NPBWR2: variants seen among roughly 807,000 people sequenced by gnomAD.
NPBWR2 encodes neuropeptides B/W receptor type 2.
For missense variants in NPBWR2, 390 were observed against 458.2 expected, an observed-to-expected ratio of 0.85 and a Z score of 1.36; for synonymous variants, 207 against 223.5, an observed-to-expected ratio of 0.93 and a Z score of 0.66.
Position 64,105,652 on chromosome 20 carries a change from T to TG in NPBWR2, c.*177dup, listed in dbSNP as rs1312084797. 1.6e-4 allele frequency among the ~76,000 whole-genome samples: 6 copies of TG among 37,802 alleles called. No individual in the cohort carries two copies. Among genetic ancestry groups the TG allele is most frequent in the Non-Finnish European group, 2.5e-4 (5 of 20,340 alleles). 24.8% of individuals were successfully genotyped at this position (37,802 alleles called of 152,430 possible). ...GGGGTGGGCGTGATGGTGGATGTGA[T>TG]GGGGGTGGGCATGATGATGGGCGTG... On this transcript the variant is annotated 3_prime_UTR_variant, in exon 2 of 2. Transcript: ENST00000684052.
rs1979874353 is a variant in NPBWR2 at position 64,104,377 on chromosome 20, T to C, written c.*1453A>G. Among the ~76,000 whole-genome samples, 1 of 152,168 alleles carries C rather than the reference T, an allele frequency of 6.6e-6. No homozygotes were observed. The highest frequency in any genetic ancestry group is 2.1e-4 in the South Asian group (1 of 4,838). ...GTGATGGATGGTCCCTAGGCTGTGGTGGCCCAGAGGTCCTGGCAAAAGGGC... is the reference window on the plus strand; with the variant it reads ...GTGATGGATGGTCCCTAGGCTGTGGCGGCCCAGAGGTCCTGGCAAAAGGGC... On this transcript the variant is annotated 3_prime_UTR_variant, in exon 2 of 2. Transcript: ENST00000684052.
chr20:64,105,838 G>A lies in NPBWR2; in HGVS notation c.994C>T (p.Arg332Trp), dbSNP rs141392855. 76 of 1,553,072 alleles carry A rather than the reference G, an allele frequency of 4.9e-5. No individual in the cohort carries two copies. Among genetic ancestry groups the A allele is most frequent in the African/African-American group, 3.9e-4 (28 of 71,564 alleles). The change falls in exon 2 of 2, where the codon CGG becomes TGG. Residue 332 changes from arginine (R) to tryptophan (W), a missense_variant. Transcript: ENST00000684052. Reference protein sequence around the residue: ...NFRKNFRSILRC With the variant: ...NFRKNFRSILWC ...GATGGTGCCCAGGCCCTTCAGCACCGCAATATGCTGCGGAAGTTCTTCCGG... is the reference window on the plus strand; with the variant it reads ...GATGGTGCCCAGGCCCTTCAGCACCACAATATGCTGCGGAAGTTCTTCCGG...
Position 64,105,621 on chromosome 20 carries a change from G to GGCGTGA in NPBWR2, c.*208_*209insTCACGC, listed in dbSNP as rs1979961059. Among the ~76,000 whole-genome samples the GGCGTGA allele has an allele frequency of 2.2e-4, 4 of 18,324 alleles. No homozygotes were observed. The highest frequency in any genetic ancestry group is 3.2e-4 in the Non-Finnish European group (3 of 9,502). 12.0% of individuals were successfully genotyped at this position (18,324 alleles called of 152,430 possible). ...GGTGGGCGTGATGGTGGGGGTGGGG[G>GGCGTGA]TGATGGGGGTGGGCGTGATGGTGGA... On this transcript the variant is annotated 3_prime_UTR_variant, in exon 2 of 2. Coordinates refer to ENST00000684052, the MANE Select transcript of NPBWR2 (RefSeq NM_005286.4).
chr20:64,105,144 T>A lies in NPBWR2; in HGVS notation c.*686A>T, dbSNP rs1300076273. Among the ~76,000 whole-genome samples the A allele has an allele frequency of 1.3e-5, 2 of 151,986 alleles. No individual in the cohort carries two copies. The highest frequency in any genetic ancestry group is 2.9e-5 in the Non-Finnish European group (2 of 67,964). On this transcript the variant is annotated 3_prime_UTR_variant, in exon 2 of 2. Coordinates refer to ENST00000684052, the MANE Select transcript of NPBWR2 (RefSeq NM_005286.4). ...CCGCACTTACCACCCCCCGGCCCCA[T>A]CTTGGGGAGAGACTATGTAACGTGG...
At position 64,106,201 on chromosome 20, in the gene NPBWR2, C is replaced by A; in HGVS notation, c.631G>T (p.Ala211Ser). Residue 211 changes from alanine (A) to serine (S), a missense_variant, in exon 2 of 2, where the codon GCC becomes TCC. Ala to Ser is a moderately conservative substitution (Grantham distance 99). Transcript: ENST00000684052. The surrounding 1 kb of genome is among the most constrained non-coding windows in gnomAD (Gnocchi z 9.5). ...FPWPEQVWFKASRVYTLVLGF... is the reference protein window; with the variant it reads ...FPWPEQVWFKSSRVYTLVLGF... ...AGGACCAACGTGTAGACACGGCTGG[C>A]CTTGAACCAGACCTGCTCGGGCCAC... The A allele has an allele frequency of 1.2e-6, 2 of 1,612,690 alleles. No homozygotes were observed. The highest frequency in any genetic ancestry group is 1.7e-6 in the Non-Finnish European group (2 of 1,179,926).
In NPBWR2 at chr20:64,104,662, A is replaced by G. The variant is rs1453849602; in HGVS notation, c.*1168T>C. 0.02 allele frequency among the ~76,000 whole-genome samples: 1,268 copies of G among 64,842 alleles called. 11 individuals are homozygous for G. The highest frequency in any genetic ancestry group is 0.031 in the South Asian group (55 of 1,762). 42.5% of individuals were successfully genotyped at this position (64,842 alleles called of 152,430 possible). A position where few individuals can be genotyped will look rare whatever the true frequency, so the allele number is the denominator to read the frequency against. On this transcript the variant is annotated 3_prime_UTR_variant, in exon 2 of 2. Transcript: ENST00000684052. ...AGCACAGGCCATGGAGAGGACCGTCAGACACAGCAGGGGGGTACAGGGGAG... is the reference window on the plus strand; with the variant it reads ...AGCACAGGCCATGGAGAGGACCGTCGGACACAGCAGGGGGGTACAGGGGAG...
chr20:64,106,466 G>C lies in NPBWR2; in HGVS notation c.366C>G (p.Ala122=). The stretch of plus-strand genomic sequence containing the variant: ...TGGAGAAGATGTTGTAGTGGTCGAC[G>C]GCCAGCACCAGCTTGCAGAGCAGCT... ...FGELLCKLVL[A]VDHYNIFSSI... The change falls in exon 2 of 2, where the codon GCC becomes GCG. Residue 122 remains alanine, a synonymous_variant. Coordinates refer to ENST00000684052, the MANE Select transcript of NPBWR2 (RefSeq NM_005286.4). This position sits in a 1 kb window ranked among gnomAD's most constrained non-coding sequence, Gnocchi z 9.5. 6.2e-7 allele frequency: 1 copy of C among 1,612,746 alleles called. No homozygotes were observed. Among genetic ancestry groups the C allele is most frequent in the South Asian group, 1.1e-5 (1 of 91,086 alleles).
Position 64,105,456 on chromosome 20 carries a change from A to G in NPBWR2, c.*374T>C, listed in dbSNP as rs986112345. On this transcript the variant is annotated 3_prime_UTR_variant, in exon 2 of 2. Coordinates refer to ENST00000684052, the MANE Select transcript of NPBWR2 (RefSeq NM_005286.4). The stretch of plus-strand genomic sequence containing the variant: ...TGTCTCCTTGCGTGGAGAGGACAGC[A>G]CTGGGATGTGAACAGGCCGGGCGTC... 2.3e-4 allele frequency among the ~76,000 whole-genome samples: 28 copies of G among 121,178 alleles called. No individual in the cohort carries two copies. Among genetic ancestry groups the G allele is most frequent in the Non-Finnish European group, 6.8e-5 (4 of 58,852 alleles). The allele number at this position is 121,178 out of a possible 152,430, so 79.5% of individuals were successfully genotyped here.
chr20:64,105,862 G>T lies in NPBWR2; in HGVS notation c.970C>A (p.Arg324=). Residue 324 remains arginine, a synonymous_variant, in exon 2 of 2, where the codon CGG becomes AGG. Coordinates refer to ENST00000684052, the MANE Select transcript of NPBWR2 (RefSeq NM_005286.4). ...FLYAFLDDNF[R]KNFRSILRC is the part of the protein sequence containing the mutation. ...CGCAATATGCTGCGGAAGTTCTTCC[G>T]GAAGTTGTCATCTAGAAAGGCGTAG... 1 of 1,514,622 alleles carries T rather than the reference G, an allele frequency of 6.6e-7. No homozygotes were observed. Among genetic ancestry groups the T allele is most frequent in the Non-Finnish European group, 9.0e-7 (1 of 1,116,790 alleles). The allele number at this position is 1,514,622 out of a possible 1,614,324, so 93.8% of individuals were successfully genotyped here.
rs563430820 is a variant in NPBWR2 at position 64,105,717 on chromosome 20, G to T, written c.*113C>A. The T allele has an allele frequency of 2.3e-5, 5 of 218,644 alleles. No homozygotes were observed. In the African/African-American group the frequency reaches 4.0e-4, roughly 17 times the overall value. The allele number at this position is 218,644 out of a possible 1,614,324, so 13.5% of individuals were successfully genotyped here. On this transcript the variant is annotated 3_prime_UTR_variant, in exon 2 of 2. Coordinates refer to ENST00000684052, the MANE Select transcript of NPBWR2 (RefSeq NM_005286.4). ...GGTGGGGGTGATGGTGGGGGTGGTGGTGGGGGTGGGGGGGGGTGGGCCTGA... is the reference window on the plus strand; with the variant it reads ...GGTGGGGGTGATGGTGGGGGTGGTGTTGGGGGTGGGGGGGGGTGGGCCTGA...
At position 64,105,316 on chromosome 20, in the gene NPBWR2, T is replaced by A. The variant is rs1979927454; in HGVS notation, c.*514A>T. Among the ~76,000 whole-genome samples, 1 of 150,680 alleles carries A rather than the reference T, an allele frequency of 6.6e-6. No individual in the cohort carries two copies. On this transcript the variant is annotated 3_prime_UTR_variant, in exon 2 of 2. Coordinates refer to ENST00000684052, the MANE Select transcript of NPBWR2 (RefSeq NM_005286.4). The stretch of plus-strand genomic sequence containing the variant: ...GGGATGCTTGCTGTGTGGGGGCCTC[T>A]GCCAGGACCTGGATCCCTGCTGCTG...
rs1403017978 is a variant in NPBWR2 at position 64,106,148 on chromosome 20, G to A, written c.684C>T (p.Ile228=). ...VLGFVLPVCT[I]CVLYTDLLRR... ...GCAGGAGGTCTGTGTAGAGCACACAGATGGTGCACACGGGCAGCACGAAGC... is the reference window on the plus strand; with the variant it reads ...GCAGGAGGTCTGTGTAGAGCACACAAATGGTGCACACGGGCAGCACGAAGC... Residue 228 remains isoleucine, a synonymous_variant, in exon 2 of 2, where the codon ATC becomes ATT. Transcript: ENST00000684052. The surrounding 1 kb of genome is among the most constrained non-coding windows in gnomAD (Gnocchi z 9.5). 3 of 1,612,494 alleles carry A rather than the reference G, an allele frequency of 1.9e-6. No individual in the cohort carries two copies. The highest frequency in any genetic ancestry group is 1.3e-5 in the African/African-American group (1 of 75,052).
At position 64,106,631 on chromosome 20, in the gene NPBWR2, G is replaced by T. The variant is rs1411908504; in HGVS notation, c.201C>A (p.Ile67=). The change falls in exon 2 of 2, where the codon ATC becomes ATA. Residue 67 remains isoleucine, a synonymous_variant. Coordinates refer to ENST00000684052, the MANE Select transcript of NPBWR2 (RefSeq NM_005286.4). The surrounding 1 kb of genome is among the most constrained non-coding windows in gnomAD (Gnocchi z 9.5). ...AVGLTGNTAV[I]LVILRAPKMK... ...TCTTGGGCGCCCTTAGGATTACAAG[G>T]ATGACGGCCGTGTTGCCAGTCAGCC... 1 of 1,612,316 alleles carries T rather than the reference G, an allele frequency of 6.2e-7. No individual in the cohort carries two copies. Among genetic ancestry groups the T allele is most frequent in the Non-Finnish European group, 8.5e-7 (1 of 1,180,010 alleles).
Position 64,105,754 on chromosome 20 carries a change from GCATGATGATGAT to G in NPBWR2, c.*64_*75del, listed in dbSNP as rs1979993107. ...GGGGGTGGGCCTGATGGGGGTGTGG[GCATGATGATGAT>G]GGGCGTGATGATGATGGGGGGTGAT... On this transcript the variant is annotated 3_prime_UTR_variant, in exon 2 of 2. Transcript: ENST00000684052. 1 of 1,073,182 alleles carries G rather than the reference GCATGATGATGAT, an allele frequency of 9.3e-7. No individual in the cohort carries two copies. Among genetic ancestry groups the G allele is most frequent in the African/African-American group, 2.0e-5 (1 of 50,844 alleles). 66.5% of individuals were successfully genotyped at this position (1,073,182 alleles called of 1,614,324 possible). A position where few individuals can be genotyped will look rare whatever the true frequency, so the allele number is the denominator to read the frequency against.
In NPBWR2 at chr20:64,104,436, C is replaced by T. The variant is rs1414509396; in HGVS notation, c.*1394G>A. ...CTCTAGTAAAGTATGAGAGGAGCAT[C>T]GGCCACAGCAGGGGTGTACAGGCCA... On this transcript the variant is annotated 3_prime_UTR_variant, in exon 2 of 2. Coordinates refer to ENST00000684052, the MANE Select transcript of NPBWR2 (RefSeq NM_005286.4). Among the ~76,000 whole-genome samples the T allele has an allele frequency of 1.3e-5, 2 of 151,956 alleles. No individual in the cohort carries two copies. Among genetic ancestry groups the T allele is most frequent in the African/African-American group, 2.4e-5 (1 of 41,328 alleles).
Position 64,107,317 on chromosome 20 carries a change from G to A in NPBWR2, c.-92+47C>T, listed in dbSNP as rs994128258. Reference sequence around the variant, plus strand: ...TGCACCCTCCCTCACACCCTCCCGAGAGATGCTGCAGACCCTGCTGGTCCA... The same window carrying A: ...TGCACCCTCCCTCACACCCTCCCGAAAGATGCTGCAGACCCTGCTGGTCCA... On this transcript the variant is annotated intron_variant, in intron 1 of 1. Transcript: ENST00000684052. This position sits in a 1 kb window ranked among gnomAD's most constrained non-coding sequence, Gnocchi z 6.3. 1 of 186,820 alleles carries A rather than the reference G, an allele frequency of 5.4e-6. No individual in the cohort carries two copies. Among genetic ancestry groups the A allele is most frequent in the African/African-American group, 2.3e-5 (1 of 42,976 alleles). 11.6% of individuals were successfully genotyped at this position (186,820 alleles called of 1,614,324 possible).
rs202167798 is a variant in NPBWR2, at chr20:64,105,935, G to A, written c.897C>T (p.Tyr299=). 96 of 1,612,874 alleles carry A rather than the reference G, an allele frequency of 6.0e-5. No homozygotes were observed. Among genetic ancestry groups the A allele is most frequent in the East Asian group, 2.9e-4 (13 of 44,880 alleles). ...PQTPLVISMS[Y]VITSLSYANS... The stretch of plus-strand genomic sequence containing the variant: ...TGGCGTAGCTGAGGCTGGTGATGAC[G>A]TAGGACATACTGATGACCAGTGGGG... Residue 299 remains tyrosine (Y), a synonymous_variant, in exon 2 of 2, where the codon TAC becomes TAT. Transcript: ENST00000684052.
rs947948896 is a variant in NPBWR2, at chr20:64,106,769, C to T, written c.63G>A (p.Met21Ile). 6.2e-7 allele frequency: 1 copy of T among 1,612,594 alleles called. No individual in the cohort carries two copies. The highest frequency in any genetic ancestry group is 1.7e-5 in the Admixed American group (1 of 60,000). ...CATTGTCCTGAGAGACGTTGGCACCCATCGTGGGGAGGGAGAAGGAGCCCC... is the reference window on the plus strand; with the variant it reads ...CATTGTCCTGAGAGACGTTGGCACCTATCGTGGGGAGGGAGAAGGAGCCCC... Reference protein sequence around the residue: ...DSRGSFSLPTMGANVSQDNGT... With the variant: ...DSRGSFSLPTIGANVSQDNGT... The change falls in exon 2 of 2, where the codon ATG (methionine) becomes ATA (isoleucine). Residue 21 changes from methionine to isoleucine, a missense_variant. By Grantham distance (10) the Met-to-Ile change is conservative (BLOSUM62 1). Transcript: ENST00000684052. This position sits in a 1 kb window ranked among gnomAD's most constrained non-coding sequence, Gnocchi z 9.5.
At position 64,107,094 on chromosome 20, in the gene NPBWR2, C is replaced by G. The variant is rs1208476395; in HGVS notation, c.-91-172G>C. The G allele has an allele frequency of 3.4e-6, 2 of 587,566 alleles. No homozygotes were observed. The highest frequency in any genetic ancestry group is 3.1e-6 in the Non-Finnish European group (1 of 321,792). The allele number at this position is 587,566 out of a possible 1,614,324, so 36.4% of individuals were successfully genotyped here. On this transcript the variant is annotated intron_variant, in intron 1 of 1. Coordinates refer to ENST00000684052, the MANE Select transcript of NPBWR2 (RefSeq NM_005286.4). This position sits in a 1 kb window ranked among gnomAD's most constrained non-coding sequence, Gnocchi z 6.3. ...CTCCCGCCTCTTCCTGGTGAGACTT[C>G]AGCAGATCAGTTCCCTCCTCCCGCA...
Sources: gnomAD v4.1 joint callset for allele counts (sites outside exome capture counted in the v4.1 genomes callset) on GRCh38, gnomAD v4.1.1 for gene constraint, Gnocchi (gnomAD v3.1) non-coding constraint, MANE v1.5 for transcripts, NCBI Gene and HGNC (gene_info 2026-07-23, HGNC 2026-07-21) for gene names.